EFCC1: variants seen among roughly 807,000 people sequenced by gnomAD.
EFCC1 encodes the protein EF-hand and coiled-coil domain containing 1, also known as EF-hand and coiled-coil domain-containing protein 1.
A neutral mutation model predicts 52.1 loss-of-function variants in EFCC1; 50 were observed. The observed-to-expected ratio is 0.96, with a 90% CI of 0.76 to 1.21. The LOEUF is 1.21. Among genes scored for constraint, EFCC1 ranks in the 50% most tolerant of loss-of-function variants. EFCC1 has a pLI of 0.00. For missense variants in EFCC1, 837 were observed against 867.3 expected (o/e 0.97, Z 0.44); for synonymous variants, 399 against 396.5 (o/e 1.01, Z -0.08).
intron 2 of EFCC1, among the ~76,000 whole-genome samples, chr3:129,012,352 G>A (rs1384122870): frequency 6.6e-6 from 1 of 152,098 alleles, no homozygotes; most frequent in Non-Finnish European, 1.5e-5. Context: ...GGGTGTGCCT[G>A]CATTTGCTAC....
At chr3:129,009,810 C>T (rs1284500210) in intron 2 of EFCC1, among the ~76,000 whole-genome samples, 1 of 152,210 alleles carries the variant, frequency 6.6e-6, no homozygotes, top group Non-Finnish European at 1.5e-5. Context: ...ACAGAGCAGG[C>T]TTGTCTGGAG....
In EFCC1 at chr3:129,032,871, G is replaced by T; in HGVS notation, c.1191G>T (p.Glu397Asp). ...RSVEGQAASD[E>D]EEVEEERWQE... ...TGGAGGGCCAGGCCGCCTCTGACGA[G>T]GAGGAGGTGGAGGAGGAGAGGTGGC... The change falls in exon 4 of 8, where the codon GAG becomes GAT. Residue 397 changes from glutamate to aspartate, a missense_variant. Glu to Asp is a conservative substitution (Grantham distance 45). Coordinates refer to ENST00000683648, the MANE Select transcript of EFCC1 (RefSeq NM_001377500.1). The T allele has an allele frequency of 1.9e-6, 3 of 1,551,502 alleles. No individual in the cohort carries two copies. Among genetic ancestry groups the T allele is most frequent in the Non-Finnish European group, 2.6e-6 (3 of 1,146,936 alleles).
chr3:129,032,781 C>T, intron 3 of EFCC1, 38 bp from the exon 4 acceptor site: 1 of 1,544,584 alleles, frequency 6.5e-7, no homozygotes, highest in Non-Finnish European at 8.7e-7. Flanking sequence ...TGGTTCCCCA[C>T]CCTTTGTCCT....
Position 129,030,739 on chromosome 3 carries a change from C to G in EFCC1, c.1017C>G (p.Ala339=). 1 of 1,551,630 alleles carries G rather than the reference C, an allele frequency of 6.4e-7. No homozygotes were observed. Among genetic ancestry groups the G allele is most frequent in the South Asian group, 1.2e-5 (1 of 84,058 alleles). Reference sequence around the variant, plus strand: ...CCCAGCTCCCAACCCCGCAGCTAGCCAACCCAGAGCCAGGAGACAAGAGTA... The same window carrying G: ...CCCAGCTCCCAACCCCGCAGCTAGCGAACCCAGAGCCAGGAGACAAGAGTA... ...EDSQLPTPQL[A]NPEPGDKSNE... The change falls in exon 3 of 8, where the codon GCC becomes GCG. Residue 339 remains alanine (A), a synonymous_variant. Transcript: ENST00000683648.
intron 5 of EFCC1, among the ~76,000 whole-genome samples, chr3:129,036,463 T>G (rs184240004): frequency 2.0e-5 from 3 of 152,358 alleles, no homozygotes; most frequent in Admixed American, 2.0e-4. Context: ...CAACTGACGG[T>G]TTAGGTGGCC....
Position 129,034,216 on chromosome 3 carries a change from G to T in EFCC1, c.1339G>T (p.Gly447Cys), listed in dbSNP as rs567338824. 1 of 1,614,110 alleles carries T rather than the reference G, an allele frequency of 6.2e-7. No individual in the cohort carries two copies. The highest frequency in any genetic ancestry group is 1.1e-5 in the South Asian group (1 of 91,092). ...CATGACTTACTTTGGTCACTTCGGCGGTGCCAACCATGCCCATACCCTGGG... is the reference window on the plus strand; with the variant it reads ...CATGACTTACTTTGGTCACTTCGGCTGTGCCAACCATGCCCATACCCTGGG... The part of the protein sequence containing the change: ...KLMTYFGHFG[G>C]ANHAHTLGEL... The change falls in exon 5 of 8, where the codon GGT becomes TGT. Residue 447 changes from glycine (G) to cysteine (C), a missense_variant. Coordinates refer to ENST00000683648, the MANE Select transcript of EFCC1 (RefSeq NM_001377500.1).
At chr3:129,019,133 G>A (rs1267924658) in intron 2 of EFCC1, among the ~76,000 whole-genome samples, 4 of 152,232 alleles carry the variant, frequency 2.6e-5, no homozygotes, top group Non-Finnish European at 5.9e-5. Flanking sequence ...GCCCCAGTGT[G>A]TTCTTTGATG....
chr3:129,038,587 C>T (rs1264741029), intron 6 of EFCC1, among the ~76,000 whole-genome samples: 2 of 152,214 alleles, frequency 1.3e-5, no homozygotes. Context: ...AGATGGTAAT[C>T]CTTAGGTACG....
At chr3:129,017,685 C>T (rs1244932128) in intron 2 of EFCC1, among the ~76,000 whole-genome samples, 3 of 152,258 alleles carry the variant, frequency 2.0e-5, no homozygotes, top group Non-Finnish European at 4.4e-5. Flanking sequence ...GCCTCTTCTA[C>T]ACCAGCCCAG....
intron 2 of EFCC1, among the ~76,000 whole-genome samples, chr3:129,005,960 T>C (rs918276940): frequency 6.6e-6 from 1 of 152,280 alleles, no homozygotes; most frequent in Non-Finnish European, 1.5e-5. Context: ...ACTAGTCCTC[T>C]ATAGCAGAAT....
rs1197670648 is a variant in EFCC1, at chr3:129,039,979, CT to C, written c.*133del. On this transcript the variant is annotated 3_prime_UTR_variant, in exon 8 of 8. Coordinates refer to ENST00000683648, the MANE Select transcript of EFCC1 (RefSeq NM_001377500.1). The stretch of plus-strand genomic sequence containing the variant: ...TCAGAACTTGAGTCTCTGCTGGCTC[CT>C]TCCAAGGTTAAGCCCGAGCCCAGAG... 6 of 1,289,940 alleles carry C rather than the reference CT, an allele frequency of 4.7e-6. No individual in the cohort carries two copies. In the East Asian group the frequency reaches 1.4e-4, roughly 31 times the overall value. 79.9% of individuals were successfully genotyped at this position (1,289,940 alleles called of 1,614,324 possible).
rs1012761373 is a variant in EFCC1, at chr3:129,001,317, G to T, written c.-312G>T. On this transcript the variant is annotated 5_prime_UTR_variant, in exon 1 of 8. Transcript: ENST00000683648. ...GAGGAAAAGCGCAGACGCCAGGAAC[G>T]CCCCGTGAGTGAGGAGAGGAGAGCG... Among the ~76,000 whole-genome samples, 1 of 152,206 alleles carries T rather than the reference G, an allele frequency of 6.6e-6. No individual in the cohort carries two copies. Among genetic ancestry groups the T allele is most frequent in the South Asian group, 2.1e-4 (1 of 4,836 alleles).
intron 2 of EFCC1, among the ~76,000 whole-genome samples, chr3:129,017,950 A>C (rs1296938314): frequency 6.6e-6 from 1 of 152,214 alleles, no homozygotes; most frequent in Non-Finnish European, 1.5e-5. Context: ...CCAGCCAGGA[A>C]GTTATGGCTG....
chr3:129,035,185 T>C (rs1946339966), intron 5 of EFCC1, among the ~76,000 whole-genome samples: 1 of 152,224 alleles, frequency 6.6e-6, no homozygotes, highest in Non-Finnish European at 1.5e-5. Flanking sequence ...TTTTTACTTA[T>C]ATATGGCCTG....
intron 5 of EFCC1, among the ~76,000 whole-genome samples, chr3:129,036,718 T>C (rs1946358014): frequency 6.6e-6 from 1 of 152,240 alleles, no homozygotes; most frequent in African/African-American, 2.4e-5. Flanking sequence ...GCTAGCCAGA[T>C]TGGCTTCTGC....
intron 2 of EFCC1, among the ~76,000 whole-genome samples, chr3:129,018,175 G>A (rs1421167730): frequency 2.0e-5 from 3 of 152,144 alleles, no homozygotes; most frequent in Non-Finnish European, 4.4e-5. Context: ...GGCCTTGGGA[G>A]TAAAGATGAG....
intron 2 of EFCC1, 92 bp downstream of exon 2, chr3:129,004,169 T>TCCATGTTTCTCCATGGAGAAA: frequency 7.6e-7 from 1 of 1,322,702 alleles, no homozygotes; most frequent in Non-Finnish European, 9.7e-7. Context: ...CCACGCGCTC[T>TCCATGTTTCTCCATGGAGAAA]CGTGTTCCGC....
At chr3:129,016,742 G>A (rs1461585813) in intron 2 of EFCC1, among the ~76,000 whole-genome samples, 5 of 152,098 alleles carry the variant, frequency 3.3e-5, no homozygotes, top group Non-Finnish European at 7.4e-5. Context: ...GCAGGAGGGG[G>A]CGGAACTGAT....
chr3:129,030,621 A>G (rs1946252836), intron 2 of EFCC1, 82 bp from the exon 3 acceptor site: 10 of 1,439,732 alleles, frequency 6.9e-6, no homozygotes, highest in Non-Finnish European at 9.3e-6. Context: ...GGGTGTTCAT[A>G]GACAGCTTGC....
Sources: gnomAD v4.1 joint callset for allele counts (sites outside exome capture counted in the v4.1 genomes callset) on GRCh38, gnomAD v4.1.1 for gene constraint, MANE v1.5 for transcripts, NCBI Gene and HGNC (gene_info 2026-07-23, HGNC 2026-07-21) for gene names.